SEMA3A: variants seen among roughly 807,000 people sequenced by gnomAD.
SEMA3A encodes semaphorin 3A, also known as semaphorin-3A.
In SEMA3A, 29 loss-of-function variants were observed where a neutral mutation model predicts 97.9. The observed-to-expected ratio is 0.30, with a 90% CI of 0.22 to 0.40. The LOEUF is 0.40. Among genes scored for constraint, SEMA3A ranks in the 10% least tolerant of loss-of-function variants. The pLI, the probability that SEMA3A is intolerant of heterozygous loss-of-function variation, is 1.00. For synonymous variants in SEMA3A, 321 were observed against 323.7 expected (o/e 0.99, Z 0.09); for missense variants, 763 against 951.3 (o/e 0.80, Z 2.60).
intron 12 of SEMA3A, among the ~76,000 whole-genome samples, chr7:83,987,136 A>G (rs1789668645): frequency 6.6e-6 from 1 of 150,512 alleles, no homozygotes; most frequent in Admixed American, 6.6e-5. Flanking sequence ...AATTTTATAT[A>G]GATACATATA....
chr7:84,258,757 G>T (rs1348538584), intron 3 of SEMA3A, among the ~76,000 whole-genome samples: 1 of 152,092 alleles, frequency 6.6e-6, no homozygotes, highest in Non-Finnish European at 1.5e-5. Flanking sequence ...TGAGAAAATG[G>T]TGCAATCAAA....
chr7:84,480,719 A>G (rs1806422251), intron 1 of SEMA3A, among the ~76,000 whole-genome samples: 2 of 152,080 alleles, frequency 1.3e-5, no homozygotes, highest in Admixed American at 6.6e-5. Context: ...TTAAAACGTA[A>G]CTACCCCCGA....
chr7:84,345,214 G>A (rs1802268603), intron 2 of SEMA3A, among the ~76,000 whole-genome samples: 1 of 151,990 alleles, frequency 6.6e-6, no homozygotes, highest in South Asian at 2.1e-4. Context: ...CCAAAAAAAT[G>A]AACATACTTT....
rs766307770 is a variant in SEMA3A at position 84,005,537 on chromosome 7, C to T, written c.1162G>A (p.Gly388Ser). The T allele has an allele frequency of 1.9e-6, 3 of 1,612,808 alleles. No individual in the cohort carries two copies. Among genetic ancestry groups the T allele is most frequent in the African/African-American group, 2.7e-5 (2 of 74,842 alleles). The change falls in exon 11 of 17, where the codon GGT becomes AGT. Residue 388 changes from glycine (G) to serine (S), a missense_variant. Gly to Ser is a moderately conservative substitution (Grantham distance 56). This residue lies in a region of SEMA3A where 678 missense variants were observed against 881.3 expected (regional missense o/e 0.77). Transcript: ENST00000265362. ...GGAAGGTCCTTTGTAGAGTCAAAAC[C>T]ACCAAATGTTTTGCTGGGACACTAT... ...PGTCPSKTFG[G>S]FDSTKDLPDD... is the part of the protein sequence containing the mutation.
intron 15 of SEMA3A, among the ~76,000 whole-genome samples, chr7:83,966,546 CAG>C (rs1470090346): frequency 1.1e-4 from 17 of 152,046 alleles, no homozygotes; most frequent in Admixed American, 7.2e-4. Context: ...CAAAAAGAAA[CAG>C]AATCATCCAG....
chr7:83,982,531 T>C (rs996002773), intron 13 of SEMA3A, among the ~76,000 whole-genome samples: 3 of 152,180 alleles, frequency 2.0e-5, no homozygotes, highest in African/African-American at 7.2e-5. Context: ...TAGCTCTCTT[T>C]TCTTGCACTA....
chr7:84,337,634 A>C (rs1314357709), intron 2 of SEMA3A, among the ~76,000 whole-genome samples: 1 of 152,092 alleles, frequency 6.6e-6, no homozygotes, highest in Non-Finnish European at 1.5e-5. Context: ...CTTTGGAGGG[A>C]GGGATCATTG....
At chr7:84,281,354 A>T (rs865865546) in intron 3 of SEMA3A, among the ~76,000 whole-genome samples, 1 of 152,266 alleles carries the variant, frequency 6.6e-6, no homozygotes, top group Non-Finnish European at 1.5e-5. Flanking sequence ...TGAAGACAAG[A>T]AACAGCAGCC....
chr7:84,340,559 A>T (rs1802139316), intron 2 of SEMA3A, among the ~76,000 whole-genome samples: 1 of 152,014 alleles, frequency 6.6e-6, no homozygotes. Context: ...CAGGTGGATC[A>T]CCTGAGGTCA....
intron 2 of SEMA3A, among the ~76,000 whole-genome samples, chr7:84,355,625 A>G (rs1033295376): frequency 5.9e-5 from 9 of 151,870 alleles, no homozygotes; most frequent in African/African-American, 2.2e-4. Context: ...TATCAACTCA[A>G]CAACTAACTT....
rs7793490 is a variant in SEMA3A, at chr7:84,033,107, A to T, written c.667+13217T>A. ...CTGTTTTATAACTATTTATTATTTAAAATACACCATTAGTCTTTGTGTGGT... is the reference window on the plus strand; with the variant it reads ...CTGTTTTATAACTATTTATTATTTATAATACACCATTAGTCTTTGTGTGGT... On this transcript the variant is annotated intron_variant, in intron 6 of 16. Transcript: ENST00000265362. Among the ~76,000 whole-genome samples the T allele has an allele frequency of 2.4e-3, 364 of 152,276 alleles. 1 individual carries two copies. The highest frequency in any genetic ancestry group is 8.2e-3 in the African/African-American group (341 of 41,564).
rs535393003 is a variant in SEMA3A, at chr7:84,042,802, A to C, written c.667+3522T>G. On this transcript the variant is annotated intron_variant, in intron 6 of 16. Transcript: ENST00000265362. ...ACAATATTGGAAAACAGTCTCCATC[A>C]AATAAGAAAAATAAATGTGAGCTAG... Among the ~76,000 whole-genome samples, 3 of 152,196 alleles carry C rather than the reference A, an allele frequency of 2.0e-5. No individual in the cohort carries two copies. In the East Asian group the frequency reaches 5.8e-4, roughly 29 times the overall value.
chr7:84,120,299 G>C (rs1437196462), intron 3 of SEMA3A, among the ~76,000 whole-genome samples: 1 of 151,964 alleles, frequency 6.6e-6, no homozygotes, highest in Non-Finnish European at 1.5e-5. Context: ...TAATGACAAA[G>C]TTTTATTTGC....
At chr7:84,387,295 A>AATAG (rs1272775316) in intron 1 of SEMA3A, among the ~76,000 whole-genome samples, 2 of 152,228 alleles carry the variant, frequency 1.3e-5, no homozygotes, top group East Asian at 1.9e-4. Flanking sequence ...TAAATAAATA[A>AATAG]ATAGATAGAT....
chr7:84,340,653 G>A (rs961476447), intron 2 of SEMA3A, among the ~76,000 whole-genome samples: 6 of 151,560 alleles, frequency 4.0e-5, no homozygotes, highest in African/African-American at 7.3e-5. Context: ...GGTGGTATAC[G>A]CCTGTAATCC....
intron 1 of SEMA3A, among the ~76,000 whole-genome samples, chr7:84,454,489 T>C (rs552379033): frequency 9.2e-5 from 14 of 152,256 alleles, no homozygotes; most frequent in African/African-American, 3.1e-4. Flanking sequence ...TACCAATTAT[T>C]ATAGTAATTT....
At chr7:84,140,460 A>C (rs1288467707) in intron 1 of SEMA3A, among the ~76,000 whole-genome samples, 1 of 152,054 alleles carries the variant, frequency 6.6e-6, no homozygotes, top group Non-Finnish European at 1.5e-5. Flanking sequence ...TCTTTTTCCA[A>C]GTTTGGTAAC....
At chr7:83,990,019 G>A (rs1789831440) in intron 12 of SEMA3A, among the ~76,000 whole-genome samples, 2 of 152,022 alleles carry the variant, frequency 1.3e-5, no homozygotes, top group Admixed American at 1.3e-4. Flanking sequence ...TCTAACTGGT[G>A]TGAGATGGTA....
At chr7:84,304,210 A>G (rs938637741) in intron 3 of SEMA3A, among the ~76,000 whole-genome samples, 20 of 152,168 alleles carry the variant, frequency 1.3e-4, no homozygotes, top group African/African-American at 4.8e-4. Flanking sequence ...AATTTACAAA[A>G]TAGATTCATA....
Sources: gnomAD v4.1 joint callset for allele counts (sites outside exome capture counted in the v4.1 genomes callset) on GRCh38, gnomAD v4.1.1 for gene constraint, gnomAD v4.1.1 regional missense constraint, MANE v1.5 for transcripts, NCBI Gene and HGNC (gene_info 2026-07-23, HGNC 2026-07-21) for gene names.